WAC: variants seen among roughly 807,000 people sequenced by gnomAD.
WAC encodes WW domain containing adaptor with coiled-coil.
A neutral mutation model predicts 79.6 loss-of-function variants in WAC; 11 were observed. The ratio of observed to expected loss-of-function variants is 0.14; its 90% CI spans 0.09 to 0.23. The LOEUF is 0.23. WAC is among the 10% of genes least tolerant of loss of function. The probability of loss-of-function intolerance (pLI) is 1.00; values close to 1 mark genes in which losing one functional copy is unlikely to be tolerated. For missense variants in WAC, 728 were observed against 773.5 expected (o/e 0.94, Z 0.70); for synonymous variants, 304 against 276.9 (o/e 1.10, Z -0.97).
At chr10:28,570,688 G>A (rs1838901404) in intron 3 of WAC, among the ~76,000 whole-genome samples, 1 of 152,146 alleles carries the variant, frequency 6.6e-6, no homozygotes, top group Non-Finnish European at 1.5e-5. Flanking sequence ...TCTTCTAGTG[G>A]AAGAGACAGA....
chr10:28,602,379 A>C lies in WAC; in HGVS notation c.920-5807A>C. Among the ~76,000 whole-genome samples, 3 of 152,376 alleles carry C rather than the reference A, an allele frequency of 2.0e-5. No individual in the cohort carries two copies. In the South Asian group the frequency reaches 6.2e-4, roughly 32 times the overall value. On this transcript the variant is annotated intron_variant, in intron 7 of 13. Transcript: ENST00000354911. ...GTTCTAGAAGGATACATGAGTAAAAATATGAATTTAAAAATTAAAGTCACA... is the reference window on the plus strand; with the variant it reads ...GTTCTAGAAGGATACATGAGTAAAACTATGAATTTAAAAATTAAAGTCACA...
rs545137620 is a variant in WAC, at chr10:28,588,007, G to C, written c.382-1729G>C. Among the ~76,000 whole-genome samples, 6 of 152,100 alleles carry C rather than the reference G, an allele frequency of 3.9e-5. No individual in the cohort carries two copies. In the East Asian group the frequency reaches 9.7e-4, roughly 25 times the overall value. On this transcript the variant is annotated intron_variant, in intron 4 of 13. Transcript: ENST00000354911. ...AATGCAAACTCCTTATTTCCTCCAG[G>C]ATAAGTTGGCAAACCATCACTTGGA...
chr10:28,541,409 G>T (rs1837017916), intron 3 of WAC, among the ~76,000 whole-genome samples: 1 of 81,340 alleles, frequency 1.2e-5, no homozygotes, highest in African/African-American at 4.0e-5. Context: ...GGTTGTGTGT[G>T]TGTGTGTTTT....
intron 3 of WAC, among the ~76,000 whole-genome samples, chr10:28,557,814 C>T (rs1326280076): frequency 1.3e-5 from 2 of 152,140 alleles, no homozygotes; most frequent in Non-Finnish European, 2.9e-5. Flanking sequence ...GTGGCTCACG[C>T]CTGTAATCCC....
intron 3 of WAC, among the ~76,000 whole-genome samples, chr10:28,550,166 C>CA (rs5784070): frequency 0.62 from 87,051 of 141,036 alleles, 27,230 homozygotes; most frequent in African/African-American, 0.79. Flanking sequence ...GACTCAGTCT[C>CA]AAAAAAAAAA....
At chr10:28,541,415 G>GTTTT (rs143772149) in intron 3 of WAC, among the ~76,000 whole-genome samples, 4,394 of 37,786 alleles carry the variant, frequency 0.12, 1,150 homozygotes, top group Non-Finnish European at 0.14. Context: ...GTGTGTGTGT[G>GTTTT]TTTTGTTTTT....
intron 3 of WAC, among the ~76,000 whole-genome samples, chr10:28,577,594 T>G (rs1305023295): frequency 6.6e-6 from 1 of 152,134 alleles, no homozygotes; most frequent in East Asian, 1.9e-4. Flanking sequence ...TGGCCGCTGG[T>G]TAGGAGTGAT....
At chr10:28,587,482 C>T (rs1448289222) in intron 4 of WAC, among the ~76,000 whole-genome samples, 1 of 152,112 alleles carries the variant, frequency 6.6e-6, no homozygotes, top group Non-Finnish European at 1.5e-5. Context: ...GTTGGGGTTC[C>T]CCAAGGTTTC....
At chr10:28,560,905 A>G (rs1434351992) in intron 3 of WAC, among the ~76,000 whole-genome samples, 4 of 152,122 alleles carry the variant, frequency 2.6e-5, no homozygotes, top group Admixed American at 6.6e-5. Context: ...CTGTGTTACT[A>G]TGTTGAGGAG....
intron 3 of WAC, among the ~76,000 whole-genome samples, chr10:28,576,329 TA>T (rs1275713474): frequency 6.6e-6 from 1 of 152,222 alleles, no homozygotes; most frequent in Non-Finnish European, 1.5e-5. Context: ...TACTGTTTTT[TA>T]AACAATGAAA....
intron 7 of WAC, among the ~76,000 whole-genome samples, chr10:28,605,305 C>A (rs1840886313): frequency 2.0e-5 from 3 of 152,344 alleles, no homozygotes; most frequent in Admixed American, 2.0e-4. Flanking sequence ...CAGAATCACA[C>A]ATAGAACTTC....
At chr10:28,619,328 C>T (rs569511235) in intron 13 of WAC, among the ~76,000 whole-genome samples, 3 of 152,278 alleles carry the variant, frequency 2.0e-5, no homozygotes, top group African/African-American at 7.2e-5. Flanking sequence ...AACATCCTTT[C>T]ATCATCCTTA....
In WAC at chr10:28,535,617, A is replaced by C. The variant is rs1471124616; in HGVS notation, c.134A>C (p.Lys45Thr). Residue 45 changes from lysine (K) to threonine (T), a missense_variant, in exon 3 of 14, where the codon AAG becomes ACG. This residue lies in a region of WAC where 648 missense variants were observed against 661.5 expected (regional missense o/e 0.98). Transcript: ENST00000354911. ...HPSSGDHRHE[K>T]MRDAGDPSPP... ...AGTAGCGGTGATCACAGACATGAAA[A>C]GATGCGAGACGCCGGAGATCCTTCA... 1.2e-6 allele frequency: 2 copies of C among 1,614,032 alleles called. No homozygotes were observed. The highest frequency in any genetic ancestry group is 2.7e-5 in the African/African-American group (2 of 74,908).
intron 3 of WAC, among the ~76,000 whole-genome samples, chr10:28,562,222 A>G (rs1838338611): frequency 6.6e-6 from 1 of 151,924 alleles, no homozygotes; most frequent in Admixed American, 6.6e-5. Flanking sequence ...ACATCTGGCT[A>G]ATTTTTATAT....
chr10:28,608,208 C>T lies in WAC; in HGVS notation c.942C>T (p.Pro314=), dbSNP rs753031346. ...TAGAATCTACATCAGGAGACAAACC[C>T]GTATCACATTCTTGCACAACTCCTT... ...ERKESTSGDK[P]VSHSCTTPST... The change falls in exon 8 of 14, where the codon CCC becomes CCT. Residue 314 remains proline, a synonymous_variant. Coordinates refer to ENST00000354911, the MANE Select transcript of WAC (RefSeq NM_016628.5). 19 of 1,613,968 alleles carry T rather than the reference C, an allele frequency of 1.2e-5. No individual in the cohort carries two copies. The highest frequency in any genetic ancestry group is 1.1e-4 in the South Asian group (10 of 91,076).
At chr10:28,548,482 T>TCTTTCAACC (rs1438536849) in intron 3 of WAC, among the ~76,000 whole-genome samples, 5 of 152,216 alleles carry the variant, frequency 3.3e-5, no homozygotes, top group African/African-American at 1.2e-4. Context: ...CTTGGCATCT[T>TCTTTCAACC]CTTTCAACCC....
intron 3 of WAC, among the ~76,000 whole-genome samples, chr10:28,569,085 T>C (rs1294760247): frequency 6.6e-6 from 1 of 152,042 alleles, no homozygotes; most frequent in African/African-American, 2.4e-5. Flanking sequence ...AATAGAAAAA[T>C]CCCCACACAA....
At chr10:28,612,758 T>A (rs574178829) in intron 10 of WAC, among the ~76,000 whole-genome samples, 2 of 152,332 alleles carry the variant, frequency 1.3e-5, no homozygotes, top group South Asian at 4.1e-4. Context: ...CAATTTAGAT[T>A]GATTTTTAAA....
intron 3 of WAC, among the ~76,000 whole-genome samples, chr10:28,552,011 G>A (rs1837707292): frequency 6.6e-6 from 1 of 152,030 alleles, no homozygotes. Flanking sequence ...ATTTTTAGTA[G>A]AGACAGGGTT....
Sources: gnomAD v4.1 joint callset for allele counts (sites outside exome capture counted in the v4.1 genomes callset) on GRCh38, gnomAD v4.1.1 for gene constraint, gnomAD v4.1.1 regional missense constraint, MANE v1.5 for transcripts, NCBI Gene and HGNC (gene_info 2026-07-23, HGNC 2026-07-21) for gene names.